The following SH3RF1 variants were observed in gnomAD, a reference collection of about 807,000 sequenced individuals.
SH3RF1 encodes the protein SH3 domain containing ring finger 1.
A neutral mutation model predicts 74.0 loss-of-function variants in SH3RF1; 32 were observed. That is an observed-to-expected ratio of 0.43 (90% CI 0.33 to 0.58). The LOEUF is 0.58. SH3RF1 is among the 20% of genes least tolerant of loss of function. SH3RF1 has a pLI of 0.05. For missense variants in SH3RF1, 954 were observed against 1,130.9 expected, an observed-to-expected ratio of 0.84 and a Z score of 2.24; for synonymous variants, 396 against 439.6, an observed-to-expected ratio of 0.90 and a Z score of 1.24.
chr4:169,128,788 T>C (rs1182422387), intron 6 of SH3RF1, among the ~76,000 whole-genome samples: 1 of 152,180 alleles, frequency 6.6e-6, no homozygotes, highest in Non-Finnish European at 1.5e-5. Flanking sequence ...ACAACATGTA[T>C]AAAACCCACA....
intron 2 of SH3RF1, among the ~76,000 whole-genome samples, chr4:169,262,135 A>G (rs1385257797): frequency 6.6e-6 from 1 of 152,196 alleles, no homozygotes; most frequent in Non-Finnish European, 1.5e-5. Context: ...GTGCTTAAAC[A>G]TGAAGAGATT....
At chr4:169,155,605 TG>T in intron 3 of SH3RF1, 30 bp from the exon 4 acceptor site, 1 of 1,479,296 alleles carries the variant, frequency 6.8e-7, no homozygotes, top group Non-Finnish European at 9.5e-7. Context: ...TTAATCTACC[TG>T]ATCATTAAGC....
chr4:169,103,814 T>C (rs1733083216), intron 11 of SH3RF1, among the ~76,000 whole-genome samples: 1 of 152,200 alleles, frequency 6.6e-6, no homozygotes, highest in South Asian at 2.1e-4. Context: ...ATTGAACATA[T>C]GGATTATAAA....
intron 11 of SH3RF1, among the ~76,000 whole-genome samples, chr4:169,103,900 A>G (rs1231824998): frequency 1.3e-5 from 2 of 152,180 alleles, no homozygotes; most frequent in Non-Finnish European, 1.5e-5. Context: ...ATACAAAAAA[A>G]CCTATCAAAG....
intron 2 of SH3RF1, among the ~76,000 whole-genome samples, chr4:169,255,347 TA>T (rs1731169156): frequency 6.6e-6 from 1 of 152,212 alleles, no homozygotes. Flanking sequence ...AATGCATCAG[TA>T]AAGTACATAA....
chr4:169,163,131 A>C (rs1280286680), intron 2 of SH3RF1, among the ~76,000 whole-genome samples: 1 of 152,116 alleles, frequency 6.6e-6, no homozygotes, highest in African/African-American at 2.4e-5. Flanking sequence ...GAGATAAAGG[A>C]AAGTAGATAA....
chr4:169,143,525 T>C (rs979643343), intron 4 of SH3RF1, among the ~76,000 whole-genome samples: 9 of 152,242 alleles, frequency 5.9e-5, no homozygotes, highest in Admixed American at 2.0e-4. Context: ...CCGAGGCTCA[T>C]TAAGCACAAA....
intron 10 of SH3RF1, among the ~76,000 whole-genome samples, chr4:169,112,460 A>G (rs1286189349): frequency 6.6e-6 from 1 of 152,238 alleles, no homozygotes; most frequent in Non-Finnish European, 1.5e-5. Flanking sequence ...AAAAGAACTG[A>G]TTTTTAAATG....
intron 5 of SH3RF1, among the ~76,000 whole-genome samples, chr4:169,132,228 G>C (rs1019976973): frequency 3.9e-5 from 6 of 152,184 alleles, no homozygotes; most frequent in Admixed American, 1.3e-4. Context: ...AACTTCCTGG[G>C]CCTGACCCTA....
chr4:169,204,886 T>C (rs929751847), intron 2 of SH3RF1, among the ~76,000 whole-genome samples: 6 of 151,882 alleles, frequency 4.0e-5, no homozygotes, highest in African/African-American at 1.4e-4. Flanking sequence ...TCATATTTTA[T>C]CTTGTTTCTG....
chr4:169,220,568 C>T (rs977977935), intron 2 of SH3RF1, among the ~76,000 whole-genome samples: 1 of 152,210 alleles, frequency 6.6e-6, no homozygotes, highest in African/African-American at 2.4e-5. Context: ...GCAACCCCTG[C>T]CTGGCCTTCG....
At chr4:169,116,218 A>G (rs1313619201) in intron 10 of SH3RF1, 51 bp downstream of exon 10, 3 of 1,537,490 alleles carry the variant, frequency 2.0e-6, no homozygotes, top group Non-Finnish European at 2.6e-6. Context: ...CATAAGAAGA[A>G]AAACAGGGAA....
chr4:169,220,568 C>A (rs977977935), intron 2 of SH3RF1, among the ~76,000 whole-genome samples: 1 of 152,210 alleles, frequency 6.6e-6, no homozygotes, highest in Non-Finnish European at 1.5e-5. Context: ...GCAACCCCTG[C>A]CTGGCCTTCG....
intron 2 of SH3RF1, among the ~76,000 whole-genome samples, chr4:169,251,188 T>C (rs1381130375): frequency 3.3e-5 from 5 of 152,234 alleles, no homozygotes; most frequent in African/African-American, 1.2e-4. Flanking sequence ...TAGGAGACTA[T>C]GTCAATACAT....
chr4:169,126,353 T>G (rs577872224), intron 6 of SH3RF1, among the ~76,000 whole-genome samples: 1 of 152,304 alleles, frequency 6.6e-6, no homozygotes, highest in South Asian at 2.1e-4. Flanking sequence ...TCTGACCATA[T>G]CCTACTCTTC....
rs147936754 is a variant in SH3RF1, at chr4:169,200,308, T to C, written c.394-43629A>G. ...CATACATATTTCCAAAACCTGTTTA[T>C]ATGTTAAGCCACAAAACCAGTCTCA... On this transcript the variant is annotated intron_variant, in intron 2 of 11. Transcript: ENST00000284637. Among the ~76,000 whole-genome samples the C allele has an allele frequency of 2.9e-4, 44 of 152,314 alleles. No individual in the cohort carries two copies. The East Asian group carries it at 6.9e-3, about 24-fold the overall frequency.
At chr4:169,109,560 C>A (rs1733206098) in intron 10 of SH3RF1, among the ~76,000 whole-genome samples, 1 of 152,086 alleles carries the variant, frequency 6.6e-6, no homozygotes, top group South Asian at 2.1e-4. Context: ...TTCCAAGGAA[C>A]CATGCTTTCA....
At position 169,117,723 on chromosome 4, in the gene SH3RF1, C is replaced by T. The variant is rs1295649176; in HGVS notation, c.1577G>A (p.Arg526Gln). Residue 526 changes from arginine to glutamine, a missense_variant, in exon 9 of 12, where the codon CGG (arginine) becomes CAG (glutamine). Around this residue, in one of 3 missense-constraint regions of SH3RF1, gnomAD observed 854 missense variants for 962.5 expected, o/e 0.89. Coordinates refer to ENST00000284637, the MANE Select transcript of SH3RF1 (RefSeq NM_020870.4). ...GGAAGGACTGACCATGGTCACTCCC[C>T]GACTTGTCTGGCCAGCTGTAGACAT... ...VPMSTAGQTS[R>Q]GVTMVSPSTA... 1.1e-5 allele frequency: 18 copies of T among 1,614,012 alleles called. No individual in the cohort carries two copies. Among genetic ancestry groups the T allele is most frequent in the South Asian group, 7.7e-5 (7 of 91,088 alleles).
chr4:169,166,133 T>A (rs553021024), intron 2 of SH3RF1: 1 of 151,528 alleles, frequency 6.6e-6, no homozygotes, highest in East Asian at 1.9e-4. Flanking sequence ...AAAAGACACA[T>A]GAAGAAAATA....
Sources: allele counts gnomAD v4.1 joint callset (sites outside exome capture counted in the v4.1 genomes callset), GRCh38; gene constraint gnomAD v4.1.1; regional missense constraint gnomAD v4.1.1; transcripts MANE v1.5; gene names NCBI Gene and HGNC (gene_info 2026-07-23, HGNC 2026-07-21).